Variants in ATRN observed in about 807,000 individuals in gnomAD.
ATRN encodes attractin-2.
In ATRN, 54 loss-of-function variants were observed where a neutral mutation model predicts 178.7. The observed-to-expected ratio is 0.30, with a 90% confidence interval of 0.24 to 0.38. The LOEUF is 0.38. ATRN is among the 10% of genes least tolerant of loss of function. The pLI is 1.00. For missense variants in ATRN, 1,443 were observed against 1,815.1 expected (o/e 0.79, Z 3.73); for synonymous variants, 636 against 663.0 (o/e 0.96, Z 0.63).
chr20:3,550,192 G>A (rs1443363287), intron 6 of ATRN, among the ~76,000 whole-genome samples: 3 of 152,210 alleles, frequency 2.0e-5, no homozygotes, highest in Admixed American at 6.5e-5. Context: ...GCCAGGTGCG[G>A]TGGCCGGCAC....
At chr20:3,552,409 C>G (rs1237803860) in intron 6 of ATRN, among the ~76,000 whole-genome samples, 1 of 128,220 alleles carries the variant, frequency 7.8e-6, no homozygotes, top group Non-Finnish European at 1.6e-5. Context: ...ATCTTTTTCT[C>G]AAGGCTGCTC....
At chr20:3,490,914 G>A in intron 1 of ATRN, 1 of 1,251,102 alleles carries the variant, frequency 8.0e-7, no homozygotes, top group Non-Finnish European at 1.2e-6. Flanking sequence ...ATTGAGCGTG[G>A]ACTTCTTAGT....
chr20:3,637,546 T>C (rs539021238), intron 26 of ATRN, among the ~76,000 whole-genome samples: 1 of 152,356 alleles, frequency 6.6e-6, no homozygotes, highest in African/African-American at 2.4e-5. Flanking sequence ...TTCTGTCTTC[T>C]ACAGTAGTTC....
chr20:3,492,856 C>A (rs374145938), intron 1 of ATRN, among the ~76,000 whole-genome samples: 1 of 116,562 alleles, frequency 8.6e-6, no homozygotes, highest in Non-Finnish European at 1.8e-5. Context: ...GAGAGAGAGG[C>A]GCGCGCGCGC....
chr20:3,501,836 G>A (rs1343256046), intron 1 of ATRN, among the ~76,000 whole-genome samples: 5 of 152,132 alleles, frequency 3.3e-5, no homozygotes, highest in Non-Finnish European at 5.9e-5. Context: ...ATGCAGCATC[G>A]GGGGACACAG....
At chr20:3,501,505 A>G (rs548216510) in intron 1 of ATRN, among the ~76,000 whole-genome samples, 46 of 152,264 alleles carry the variant, frequency 3.0e-4, no homozygotes, top group African/African-American at 1.1e-3. Context: ...TTATATCACA[A>G]AACAGGCTAC....
intron 24 of ATRN, among the ~76,000 whole-genome samples, chr20:3,622,276 A>C (rs570251600): frequency 3.7e-4 from 56 of 152,186 alleles, no homozygotes; most frequent in Non-Finnish European, 6.6e-4. Flanking sequence ...AACACTTCCT[A>C]TGGCTTCATC....
In ATRN at chr20:3,471,335, G is replaced by A; in HGVS notation, c.228G>A (p.Leu76=). 6.7e-7 allele frequency: 1 copy of A among 1,487,696 alleles called. No individual in the cohort carries two copies. Among genetic ancestry groups the A allele is most frequent in the South Asian group, 1.3e-5 (1 of 78,334 alleles). The allele number at this position is 1,487,696 out of a possible 1,614,324, so 92.2% of individuals were successfully genotyped here. Residue 76 remains leucine, a synonymous_variant, in exon 1 of 29, where the codon CTG becomes CTA. Transcript: ENST00000262919. The part of the protein sequence containing the change: ...LLLSPPLLLL[L]LPCEAEAAAA... ...TCTCGCCGCCGCTGCTGCTGCTGCT[G>A]CTGCCCTGTGAGGCCGAGGCCGCGG... is the stretch of plus-strand genomic sequence containing the variant.
chr20:3,625,735 T>A (rs974325013), intron 25 of ATRN, among the ~76,000 whole-genome samples: 2 of 152,114 alleles, frequency 1.3e-5, no homozygotes, highest in African/African-American at 4.8e-5. Flanking sequence ...TGAGGCCTGC[T>A]GCACAACTGT....
intron 1 of ATRN, among the ~76,000 whole-genome samples, chr20:3,492,433 G>T (rs975133398): frequency 6.6e-6 from 1 of 152,044 alleles, no homozygotes; most frequent in Non-Finnish European, 1.5e-5. Flanking sequence ...TGGTGACATT[G>T]GTGCTTTAGG....
Position 3,576,737 on chromosome 20 carries a change from C to CT in ATRN, c.2215-121dup, listed in dbSNP as rs1482323408. 26 of 812,276 alleles carry CT rather than the reference C, an allele frequency of 3.2e-5. No individual in the cohort carries two copies. In the African/African-American group the frequency reaches 3.9e-4, roughly 12 times the overall value. 50.3% of individuals were successfully genotyped at this position (812,276 alleles called of 1,614,324 possible). A position where few individuals can be genotyped will look rare whatever the true frequency, so the allele number is the denominator to read the frequency against. On this transcript the variant is annotated intron_variant, in intron 13 of 28. Coordinates refer to ENST00000262919, the MANE Select transcript of ATRN (RefSeq NM_139321.3). ...TCTATCTATCTATCTATCTATCTGTCTATCTATTTATTTGCAGTTTGCTTC... is the reference window on the plus strand; with the variant it reads ...TCTATCTATCTATCTATCTATCTGTCTTATCTATTTATTTGCAGTTTGCTTC...
chr20:3,611,089 A>G (rs2086757417), intron 24 of ATRN, among the ~76,000 whole-genome samples: 1 of 152,170 alleles, frequency 6.6e-6, no homozygotes, highest in South Asian at 2.1e-4. Flanking sequence ...AAACTTTTAG[A>G]AAAAAATATA....
At position 3,546,388 on chromosome 20, in the gene ATRN, TG is replaced by T. The variant is rs1188947978; in HGVS notation, c.737+499del. 8.6e-4 allele frequency among the ~76,000 whole-genome samples: 123 copies of T among 142,740 alleles called. 1 individual carries two copies. The highest frequency in any genetic ancestry group is 6.9e-3 in the Middle Eastern group (2 of 288). 93.6% of individuals were successfully genotyped at this position (142,740 alleles called of 152,430 possible). A position where few individuals can be genotyped will look rare whatever the true frequency, so the allele number is the denominator to read the frequency against. ...ATTATGAGATGCGTTATAGTTCAAC[TG>T]TTTTTTTTTTTTTTTTTTTTGAGAC... On this transcript the variant is annotated intron_variant, in intron 4 of 28. Coordinates refer to ENST00000262919, the MANE Select transcript of ATRN (RefSeq NM_139321.3).
At chr20:3,580,759 T>C (rs1760143841) in intron 15 of ATRN, among the ~76,000 whole-genome samples, 1 of 152,184 alleles carries the variant, frequency 6.6e-6, no homozygotes, top group Admixed American at 6.5e-5. Flanking sequence ...ATTTTTATAG[T>C]TGAGCCTCAG....
At chr20:3,525,503 C>T (rs778135114) in intron 1 of ATRN, among the ~76,000 whole-genome samples, 14 of 152,184 alleles carry the variant, frequency 9.2e-5, no homozygotes, top group Non-Finnish European at 1.8e-4. Context: ...CCTTCTGAAA[C>T]AATTCCAAAC....
At chr20:3,553,170 G>A (rs2085813476) in intron 6 of ATRN, among the ~76,000 whole-genome samples, 1 of 152,074 alleles carries the variant, frequency 6.6e-6, no homozygotes, top group African/African-American at 2.4e-5. Context: ...CATGAGAAGA[G>A]AAGGTAAAAT....
chr20:3,586,677 A>G (rs2086361524), intron 18 of ATRN, among the ~76,000 whole-genome samples: 3 of 148,966 alleles, frequency 2.0e-5, no homozygotes. Context: ...GAATTACCCT[A>G]AAAAAACATG....
In ATRN at chr20:3,537,549, A is replaced by T. The variant is rs193003237; in HGVS notation, c.494+2213A>T. Among the ~76,000 whole-genome samples the T allele has an allele frequency of 5.4e-4, 81 of 149,900 alleles. 2 individuals are homozygous for T. The highest frequency in any genetic ancestry group is 5.4e-3 in the Admixed American group (81 of 15,012). On this transcript the variant is annotated intron_variant, in intron 2 of 28. Coordinates refer to ENST00000262919, the MANE Select transcript of ATRN (RefSeq NM_139321.3). Reference sequence around the variant, plus strand: ...TATTATACTTCAAGTTCTAGGGTACATGTGCACAACGTGCAGGTTTGTTAC... The same window carrying T: ...TATTATACTTCAAGTTCTAGGGTACTTGTGCACAACGTGCAGGTTTGTTAC...
At chr20:3,503,613 G>C (rs960392446) in intron 1 of ATRN, among the ~76,000 whole-genome samples, 1 of 152,144 alleles carries the variant, frequency 6.6e-6, no homozygotes, top group African/African-American at 2.4e-5. Context: ...TACTGGACCG[G>C]CTCAATAGAG....
Sources: gnomAD v4.1 joint callset for allele counts (sites outside exome capture counted in the v4.1 genomes callset) on GRCh38, gnomAD v4.1.1 for gene constraint, MANE v1.5 for transcripts, NCBI Gene and HGNC (gene_info 2026-07-23, HGNC 2026-07-21) for gene names.